The following RCBTB2 variants were observed in gnomAD, a reference collection of about 807,000 sequenced individuals.
RCBTB2 encodes the protein RCC1 and BTB domain-containing protein 2.
A neutral mutation model predicts 65.4 loss-of-function variants in RCBTB2; 55 were observed. The ratio of observed to expected loss-of-function variants is 0.84; its 90% confidence interval spans 0.68 to 1.05. The LOEUF (loss-of-function observed/expected upper bound fraction) is 1.05. Ranked by LOEUF, RCBTB2 falls within the 50% of genes least tolerant of loss-of-function variation. RCBTB2 has a pLI of 0.00. For missense variants in RCBTB2, 599 were observed against 680.1 expected, an observed-to-expected ratio of 0.88 and a Z score of 1.33; for synonymous variants, 220 against 255.2, an observed-to-expected ratio of 0.86 and a Z score of 1.31.
intron 1 of RCBTB2, among the ~76,000 whole-genome samples, chr13:48,526,190 C>T (rs79814507): frequency 0.02 from 3,099 of 152,212 alleles, 110 homozygotes; most frequent in African/African-American, 0.071. Context: ...ATTCAATAAA[C>T]GTTTGGTAAT....
chr13:48,502,492 T>G (rs943534662), intron 11 of RCBTB2, among the ~76,000 whole-genome samples: 9 of 152,122 alleles, frequency 5.9e-5, no homozygotes, highest in Admixed American at 1.3e-4. Context: ...GACCTCATCT[T>G]TCTCTCTTAA....
chr13:48,522,525 A>G (rs1021363463), intron 2 of RCBTB2, 122 bp from the exon 3 acceptor site: 76 of 610,008 alleles, frequency 1.2e-4, no homozygotes, highest in Middle Eastern at 8.7e-4. Flanking sequence ...GTAGCAATGC[A>G]CTAAATGTTC....
chr13:48,510,916 C>G (rs1426572849), intron 9 of RCBTB2, 145 bp from the exon 10 acceptor site: 1 of 794,752 alleles, frequency 1.3e-6, no homozygotes, highest in East Asian at 2.7e-5. Flanking sequence ...AACCAACATC[C>G]TTCCAGAACA....
intron 4 of RCBTB2, among the ~76,000 whole-genome samples, chr13:48,517,281 A>G (rs1340016100): frequency 6.6e-6 from 1 of 152,216 alleles, no homozygotes; most frequent in Non-Finnish European, 1.5e-5. Flanking sequence ...CTAACAATGC[A>G]ATACCTACCT....
intron 3 of RCBTB2, 113 bp downstream of exon 3, chr13:48,522,195 T>G: frequency 1.3e-6 from 1 of 771,432 alleles, no homozygotes; most frequent in Non-Finnish European, 2.1e-6. Context: ...CCTGCTGAGG[T>G]CTGAAAAAGT....
At chr13:48,515,403 T>C in intron 5 of RCBTB2, 48 bp from the exon 6 acceptor site, 1 of 1,563,000 alleles carries the variant, frequency 6.4e-7, no homozygotes. Context: ...TTCTAACAAA[T>C]CTATAAATTA....
At chr13:48,503,921 C>T (rs963839894) in intron 10 of RCBTB2, among the ~76,000 whole-genome samples, 2 of 152,150 alleles carry the variant, frequency 1.3e-5, no homozygotes, top group African/African-American at 4.8e-5. Context: ...GAATAAGCCA[C>T]CATACAGATT....
intron 4 of RCBTB2, among the ~76,000 whole-genome samples, chr13:48,518,603 T>C (rs1445204731): frequency 1.3e-5 from 2 of 151,188 alleles, no homozygotes; most frequent in Non-Finnish European, 3.0e-5. Context: ...GTTCCAGTTA[T>C]ATGCAAGTGT....
At chr13:48,532,173 A>C (rs1952169753) in intron 1 of RCBTB2, 1 of 152,262 alleles carries the variant, frequency 6.6e-6, no homozygotes, top group African/African-American at 2.4e-5. Flanking sequence ...TTCATTCTAA[A>C]TTAGCCTTCC....
chr13:48,502,829 G>C lies in RCBTB2; in HGVS notation c.1012C>G (p.Arg338Gly). Residue 338 changes from arginine (R) to glycine (G), a missense_variant, in exon 11 of 15, where the codon CGG (arginine) becomes GGG (glycine). Transcript: ENST00000344532. Reference sequence around the variant, plus strand: ...TGCGGGAGGATCACGGACTGACCCCGGCACTGGCCCCACATGTACACGTGC... The same window carrying C: ...TGCGGGAGGATCACGGACTGACCCCCGCACTGGCCCCACATGTACACGTGC... Reference protein sequence around the residue: ...GGHVYMWGQCRGQSVILPHLT... With the variant: ...GGHVYMWGQCGGQSVILPHLT... 1 of 1,614,188 alleles carries C rather than the reference G, an allele frequency of 6.2e-7. No homozygotes were observed. The highest frequency in any genetic ancestry group is 8.5e-7 in the Non-Finnish European group (1 of 1,180,022).
intron 1 of RCBTB2, among the ~76,000 whole-genome samples, chr13:48,528,195 C>T (rs761433878): frequency 6.6e-6 from 1 of 152,152 alleles, no homozygotes; most frequent in Non-Finnish European, 1.5e-5. Flanking sequence ...GTCCACATTA[C>T]CCCAACCCAA....
At chr13:48,520,359 T>C (rs1209227242) in intron 4 of RCBTB2, among the ~76,000 whole-genome samples, 2 of 152,086 alleles carry the variant, frequency 1.3e-5, no homozygotes, top group Non-Finnish European at 2.9e-5. Context: ...CCAAGTATGG[T>C]CAAGAGAAAA....
upstream of RCBTB2, among the ~76,000 whole-genome samples, chr13:48,535,471 G>C (rs1952351633): frequency 1.2e-4 from 19 of 152,194 alleles, no homozygotes; most frequent in South Asian, 3.9e-3. Flanking sequence ...GGCCAGAATG[G>C]TCTAGAGCTC....
intron 11 of RCBTB2, 136 bp from the exon 12 acceptor site, chr13:48,502,004 T>G (rs1950258133): frequency 1.7e-6 from 1 of 597,644 alleles, no homozygotes; most frequent in Admixed American, 3.8e-5. Flanking sequence ...GCAATGGATT[T>G]TTTCCCCTGA....
At chr13:48,502,997 T>C in intron 10 of RCBTB2, 83 bp from the exon 11 acceptor site, 1 of 1,357,266 alleles carries the variant, frequency 7.4e-7, no homozygotes, top group Non-Finnish European at 9.8e-7. Context: ...GTTTAACTGA[T>C]GTGGGACATC....
chr13:48,505,545 A>G (rs1273246752), intron 10 of RCBTB2, among the ~76,000 whole-genome samples: 2 of 152,178 alleles, frequency 1.3e-5, no homozygotes, highest in African/African-American at 4.8e-5. Context: ...AGAAAATGGG[A>G]GAAGGAAATA....
At chr13:48,497,545 T>C (rs1314861857) in intron 13 of RCBTB2, among the ~76,000 whole-genome samples, 1 of 152,210 alleles carries the variant, frequency 6.6e-6, no homozygotes, top group South Asian at 2.1e-4. Flanking sequence ...AATTAGTTTG[T>C]CATTGCTGAA....
chr13:48,518,881 T>C (rs1262547458), intron 4 of RCBTB2, among the ~76,000 whole-genome samples: 2 of 152,190 alleles, frequency 1.3e-5, no homozygotes, highest in African/African-American at 4.8e-5. Context: ...CTATGAGGCC[T>C]TCGTTTTTAA....
chr13:48,490,633 T>C (rs1020022283), intron 14 of RCBTB2, among the ~76,000 whole-genome samples: 4 of 152,246 alleles, frequency 2.6e-5, no homozygotes, highest in Non-Finnish European at 5.9e-5. Flanking sequence ...TTTATATTTA[T>C]ATCAGCGTCT....
Sources: allele counts gnomAD v4.1 joint callset (sites outside exome capture counted in the v4.1 genomes callset), GRCh38; gene constraint gnomAD v4.1.1; transcripts MANE v1.5; gene names NCBI Gene and HGNC (gene_info 2026-07-23, HGNC 2026-07-21).